Variants in KIRREL3 observed in about 807,000 individuals in gnomAD.
KIRREL3 encodes the protein kirre like nephrin family adhesion molecule 3.
A neutral mutation model predicts 89.7 loss-of-function variants in KIRREL3; 36 were observed. That is an observed-to-expected ratio of 0.40 (90% CI 0.31 to 0.53). The LOEUF (loss-of-function observed/expected upper bound fraction) is 0.53, where lower values mean the gene tolerates loss of function less well. Among genes scored for constraint, KIRREL3 ranks in the 20% least tolerant of loss-of-function variants. The pLI, the probability that KIRREL3 is intolerant of heterozygous loss-of-function variation, is 0.49. For missense variants in KIRREL3, 864 were observed against 1,056.6 expected (o/e 0.82, Z 2.53); for synonymous variants, 445 against 441.4 (o/e 1.01, Z -0.10).
chr11:126,819,078 T>C (rs1951681189), intron 1 of KIRREL3, among the ~76,000 whole-genome samples: 1 of 151,586 alleles, frequency 6.6e-6, no homozygotes, highest in African/African-American at 2.4e-5. Context: ...TGGAGATATG[T>C]GAGTAGCTTT....
intron 10 of KIRREL3, among the ~76,000 whole-genome samples, chr11:126,444,406 G>A (rs1240300231): frequency 6.6e-6 from 1 of 152,218 alleles, no homozygotes; most frequent in African/African-American, 2.4e-5. Flanking sequence ...GCCGAGGCAG[G>A]TGGCTCACTT....
In KIRREL3 at chr11:126,657,899, G is replaced by A. The variant is rs527396207; in HGVS notation, c.56-94987C>T. 1.1e-3 allele frequency among the ~76,000 whole-genome samples: 171 copies of A among 152,236 alleles called. 3 individuals carry two copies. The South Asian group carries it at 0.026, about 23-fold the overall frequency. On this transcript the variant is annotated intron_variant, in intron 1 of 16. Transcript: ENST00000525144. ...ACCGGAAGAGACAAGAAGGTAATTT[G>A]ACCAGATCAAGACCACCCAGCCCAG...
At chr11:126,649,781 G>A (rs1043781309) in intron 1 of KIRREL3, among the ~76,000 whole-genome samples, 2 of 152,152 alleles carry the variant, frequency 1.3e-5, no homozygotes, top group African/African-American at 4.8e-5. Flanking sequence ...GGGATCTGGA[G>A]GGCGATGGCC....
At position 126,844,946 on chromosome 11, in the gene KIRREL3, A is replaced by C. The variant is rs565920646; in HGVS notation, c.55+155509T>G. ...GGTGGGTCTTACTCTGGCCTCTCTG[A>C]GCTCTCTGCCTTCCCCACCCTGCTG... On this transcript the variant is annotated intron_variant, in intron 1 of 16. Coordinates refer to ENST00000525144, the MANE Select transcript of KIRREL3 (RefSeq NM_032531.4). The surrounding 1 kb of genome is among the most constrained non-coding windows in gnomAD (Gnocchi z 4.8). 3.4e-4 allele frequency among the ~76,000 whole-genome samples: 52 copies of C among 152,194 alleles called. No homozygotes were observed. The highest frequency in any genetic ancestry group is 8.5e-4 in the Admixed American group (13 of 15,286).
chr11:126,917,686 A>G lies in KIRREL3; in HGVS notation c.55+82769T>C, dbSNP rs1947096448. Among the ~76,000 whole-genome samples the G allele has an allele frequency of 6.6e-6, 1 of 152,134 alleles. No homozygotes were observed. The highest frequency in any genetic ancestry group is 1.5e-5 in the Non-Finnish European group (1 of 68,030). On this transcript the variant is annotated intron_variant, in intron 1 of 16. Coordinates refer to ENST00000525144, the MANE Select transcript of KIRREL3 (RefSeq NM_032531.4). This position sits in a 1 kb window ranked among gnomAD's most constrained non-coding sequence, Gnocchi z 5.0. Reference sequence around the variant, plus strand: ...TAGAAACCATATATGTATACCACATACTAGAAACCATATACTAGAAACCAC... The same window carrying G: ...TAGAAACCATATATGTATACCACATGCTAGAAACCATATACTAGAAACCAC...
rs1330821114 is a variant in KIRREL3, at chr11:126,965,714, C to T, written c.55+34741G>A. On this transcript the variant is annotated intron_variant, in intron 1 of 16. Transcript: ENST00000525144. This position sits in a 1 kb window ranked among gnomAD's most constrained non-coding sequence, Gnocchi z 4.4. ...ATCAATAAATATTATTTCCTTCTGA[C>T]TTTGGAGTGCGTTATTTTCCCGTGT... Among the ~76,000 whole-genome samples the T allele has an allele frequency of 6.6e-6, 1 of 152,150 alleles. No individual in the cohort carries two copies. The highest frequency in any genetic ancestry group is 1.5e-5 in the Non-Finnish European group (1 of 68,022).
intron 1 of KIRREL3, among the ~76,000 whole-genome samples, chr11:126,588,150 T>C (rs1260386334): frequency 6.6e-6 from 1 of 152,234 alleles, no homozygotes; most frequent in Non-Finnish European, 1.5e-5. Context: ...CATGGAATCA[T>C]TGTGGGACAC....
At chr11:126,667,993 T>A (rs1390515571) in intron 1 of KIRREL3, among the ~76,000 whole-genome samples, 1 of 152,194 alleles carries the variant, frequency 6.6e-6, no homozygotes, top group Non-Finnish European at 1.5e-5. Flanking sequence ...GTCACACTGT[T>A]TAGTGATTCA....
chr11:126,445,877 G>A (rs774927384), intron 9 of KIRREL3, among the ~76,000 whole-genome samples: 5 of 152,134 alleles, frequency 3.3e-5, no homozygotes, highest in Non-Finnish European at 5.9e-5. Context: ...GGCTGGACAC[G>A]GTGGCTCACG....
In KIRREL3 at chr11:126,830,648, C is replaced by G. The variant is rs539541866; in HGVS notation, c.55+169807G>C. On this transcript the variant is annotated intron_variant, in intron 1 of 16. Transcript: ENST00000525144. The surrounding 1 kb of genome is among the most constrained non-coding windows in gnomAD (Gnocchi z 4.9). Reference sequence around the variant, plus strand: ...TAAGCAGGGATTGGACAGGCAGGCACTTAGGAAGGTGTTCGTGCCAGACGC... The same window carrying G: ...TAAGCAGGGATTGGACAGGCAGGCAGTTAGGAAGGTGTTCGTGCCAGACGC... Among the ~76,000 whole-genome samples, 48 of 152,272 alleles carry G rather than the reference C, an allele frequency of 3.2e-4. No homozygotes were observed. Among genetic ancestry groups the G allele is most frequent in the African/African-American group, 1.2e-3 (48 of 41,560 alleles).
In KIRREL3 at chr11:126,490,600, C is replaced by T. The variant is rs1031665376; in HGVS notation, c.434-17134G>A. Among the ~76,000 whole-genome samples, 1 of 152,182 alleles carries T rather than the reference C, an allele frequency of 6.6e-6. No individual in the cohort carries two copies. The highest frequency in any genetic ancestry group is 1.5e-5 in the Non-Finnish European group (1 of 68,022). ...GTTCCAGGCTGCATGGCCTTGGATA[C>T]GTTAATTAGTTATTTGAGCCTGTGT... On this transcript the variant is annotated intron_variant, in intron 4 of 16. Transcript: ENST00000525144. The surrounding 1 kb of genome is among the most constrained non-coding windows in gnomAD (Gnocchi z 4.2).
intron 1 of KIRREL3, among the ~76,000 whole-genome samples, chr11:126,947,823 T>C (rs1200455515): frequency 6.6e-6 from 1 of 152,202 alleles, no homozygotes; most frequent in Non-Finnish European, 1.5e-5. Flanking sequence ...GGCTGGCTGT[T>C]CAGACTAATC....
intron 12 of KIRREL3, 101 bp from the exon 13 acceptor site, chr11:126,435,404 C>T (rs1485056943): frequency 2.5e-6 from 3 of 1,186,330 alleles, no homozygotes; most frequent in Non-Finnish European, 3.7e-6. Context: ...TGAGGGGCTC[C>T]TTTCCCAGTC....
intron 1 of KIRREL3, among the ~76,000 whole-genome samples, chr11:126,743,487 A>G (rs1254800812): frequency 6.6e-6 from 1 of 152,218 alleles, no homozygotes; most frequent in African/African-American, 2.4e-5. Flanking sequence ...GCTCTGTGTT[A>G]GGTACTGGGA....
chr11:126,511,197 G>A (rs1166906312), intron 4 of KIRREL3, among the ~76,000 whole-genome samples: 1 of 152,054 alleles, frequency 6.6e-6, no homozygotes, highest in African/African-American at 2.4e-5. Context: ...AGTGGCTCAC[G>A]CCTGTAGTCC....
chr11:126,618,650 G>A (rs1943455199), intron 1 of KIRREL3, among the ~76,000 whole-genome samples: 2 of 152,184 alleles, frequency 1.3e-5, no homozygotes, highest in African/African-American at 2.4e-5. Flanking sequence ...GGCCAGGCTG[G>A]TCTCAAACTC....
intron 1 of KIRREL3, among the ~76,000 whole-genome samples, chr11:126,956,647 C>T (rs2135165529): frequency 6.6e-6 from 1 of 152,304 alleles, no homozygotes; most frequent in Middle Eastern, 3.4e-3. Context: ...TTTCTTTCCC[C>T]TGGAATGTGT....
chr11:126,478,635 GTGTATGTGTGTATGTATGTGTA>G (rs1565487082), intron 4 of KIRREL3, among the ~76,000 whole-genome samples: 1 of 147,610 alleles, frequency 6.8e-6, no homozygotes, highest in African/African-American at 2.7e-5. Context: ...GTGTATGCGT[GTGTATGTGTGTATGTATGTGTA>G]TATGTATATA....
intron 8 of KIRREL3, among the ~76,000 whole-genome samples, chr11:126,447,181 G>A (rs990346202): frequency 1.3e-5 from 2 of 152,196 alleles, no homozygotes; most frequent in African/African-American, 4.8e-5. Context: ...ACCAGGTTCT[G>A]CCTGGATTTA....
Sources: allele counts gnomAD v4.1 joint callset (sites outside exome capture counted in the v4.1 genomes callset), GRCh38; gene constraint gnomAD v4.1.1; non-coding constraint Gnocchi (gnomAD v3.1); transcripts MANE v1.5; gene names NCBI Gene and HGNC (gene_info 2026-07-23, HGNC 2026-07-21).